The following SMAP1 variants were observed in gnomAD, a reference collection of about 807,000 sequenced individuals.
The protein encoded by SMAP1 is stromal membrane-associated protein 1.
SMAP1 carries 24 observed loss-of-function variants against 58.5 expected under a neutral mutation model. The ratio of observed to expected loss-of-function variants is 0.41; its 90% CI spans 0.30 to 0.58. The LOEUF (loss-of-function observed/expected upper bound fraction) is 0.58, where lower values mean the gene tolerates loss of function less well. Ranked by LOEUF, SMAP1 falls within the 20% of genes least tolerant of loss-of-function variation. The pLI is 0.29. For synonymous variants in SMAP1, 216 were observed against 196.6 expected (o/e 1.10, Z -0.82); for missense variants, 563 against 566.3 (o/e 0.99, Z 0.06).
intron 3 of SMAP1, among the ~76,000 whole-genome samples, chr6:70,760,480 A>G (rs1174475385): frequency 1.3e-5 from 2 of 152,044 alleles, no homozygotes; most frequent in East Asian, 3.8e-4. Context: ...CCCATATCTA[A>G]TGTAATCTGT....
At chr6:70,794,920 C>T (rs1164761800) in intron 5 of SMAP1, among the ~76,000 whole-genome samples, 1 of 151,824 alleles carries the variant, frequency 6.6e-6, no homozygotes, top group African/African-American at 2.4e-5. Context: ...TCCCGAGTAG[C>T]TGGGACTGCA....
At chr6:70,860,137 T>TAAAG (rs1452225607) in intron 10 of SMAP1, 63 bp from the exon 11 acceptor site, 13 of 1,505,398 alleles carry the variant, frequency 8.6e-6, no homozygotes, top group Non-Finnish European at 1.1e-5. Context: ...ACTGTGTGGC[T>TAAAG]AAAGAAACAA....
At chr6:70,704,420 G>A (rs561018831) in intron 1 of SMAP1, among the ~76,000 whole-genome samples, 1 of 151,996 alleles carries the variant, frequency 6.6e-6, no homozygotes, top group East Asian at 1.9e-4. Context: ...AAATTTGATT[G>A]TATTTTGCTG....
At chr6:70,697,831 T>C (rs1767472929) in intron 1 of SMAP1, among the ~76,000 whole-genome samples, 1 of 152,246 alleles carries the variant, frequency 6.6e-6, no homozygotes, top group Non-Finnish European at 1.5e-5. Context: ...CCCACACTTC[T>C]TAACTTTTGG....
intron 1 of SMAP1, among the ~76,000 whole-genome samples, chr6:70,702,834 G>C (rs964634201): frequency 2.0e-5 from 3 of 152,030 alleles, no homozygotes; most frequent in East Asian, 3.9e-4. Flanking sequence ...TCTTGGCCCT[G>C]TTGCCCAGGC....
In SMAP1 at chr6:70,733,613, C is replaced by T. The variant is rs78268521; in HGVS notation, c.252+1102C>T. Among the ~76,000 whole-genome samples, 1,468 of 152,132 alleles carry T rather than the reference C, an allele frequency of 9.6e-3. 20 individuals carry two copies. Among genetic ancestry groups the T allele is most frequent in the African/African-American group, 0.033 (1,373 of 41,506 alleles). On this transcript the variant is annotated intron_variant, in intron 2 of 10. Coordinates refer to ENST00000370455, the MANE Select transcript of SMAP1 (RefSeq NM_001044305.3). ...CTGGTCTCAAACTCTTGGACTCAAG[C>T]GATTCTCCCATGTCAGCCTTCCAAG...
intron 4 of SMAP1, among the ~76,000 whole-genome samples, chr6:70,788,483 T>G (rs910803230): frequency 4.0e-5 from 6 of 151,784 alleles, no homozygotes; most frequent in Admixed American, 3.9e-4. Context: ...AAAAAAAACT[T>G]ACATATTAGG....
intron 8 of SMAP1, among the ~76,000 whole-genome samples, chr6:70,854,331 GA>G (rs1771308843): frequency 6.6e-6 from 1 of 152,166 alleles, no homozygotes; most frequent in African/African-American, 2.4e-5. Context: ...TTAAAATCCA[GA>G]CATATTTGGC....
At position 70,836,929 on chromosome 6, in the gene SMAP1, T is replaced by C. The variant is rs998663010; in HGVS notation, c.577-12T>C. ...TAAGAAAAATTAATAAATCCAATTA[T>C]TTACTTTAAAGCTGCAGAAGAAAGA... On this transcript the variant is annotated splice_polypyrimidine_tract_variant and intron_variant, in intron 6 of 10. Coordinates refer to ENST00000370455, the MANE Select transcript of SMAP1 (RefSeq NM_001044305.3). The C allele has an allele frequency of 3.9e-6, 6 of 1,546,190 alleles. No individual in the cohort carries two copies. Among genetic ancestry groups the C allele is most frequent in the Admixed American group, 2.0e-5 (1 of 48,858 alleles).
chr6:70,861,819 G>A lies in SMAP1; in HGVS notation c.*1485G>A, dbSNP rs139424625. ...ACACTCGAGGTCGGGCAGCACAAGTGTAATGAATACCTTAGTGCAGTTATT... is the reference window on the plus strand; with the variant it reads ...ACACTCGAGGTCGGGCAGCACAAGTATAATGAATACCTTAGTGCAGTTATT... On this transcript the variant is annotated 3_prime_UTR_variant, in exon 11 of 11. Coordinates refer to ENST00000370455, the MANE Select transcript of SMAP1 (RefSeq NM_001044305.3). The A allele has an allele frequency of 8.6e-5, 139 of 1,614,042 alleles. No homozygotes were observed. The African/African-American group carries it at 1.4e-3, about 16-fold the overall frequency.
chr6:70,681,372 A>G (rs1766704617), intron 1 of SMAP1, among the ~76,000 whole-genome samples: 1 of 152,196 alleles, frequency 6.6e-6, no homozygotes, highest in South Asian at 2.1e-4. Flanking sequence ...GGCTGCAGTG[A>G]GCCGTGATTG....
At chr6:70,721,449 G>C (rs1768524107) in intron 1 of SMAP1, among the ~76,000 whole-genome samples, 1 of 152,144 alleles carries the variant, frequency 6.6e-6, no homozygotes, top group Non-Finnish European at 1.5e-5. Flanking sequence ...ATCGCTATCA[G>C]CATTTTGGGC....
At chr6:70,845,135 AAAC>A (rs1480373132) in intron 7 of SMAP1, among the ~76,000 whole-genome samples, 4 of 152,246 alleles carry the variant, frequency 2.6e-5, no homozygotes, top group Non-Finnish European at 5.9e-5. Flanking sequence ...TATCTGCCTT[AAAC>A]TAGATTAGTA....
At chr6:70,742,708 T>A (rs1765866662) in intron 2 of SMAP1, among the ~76,000 whole-genome samples, 1 of 152,220 alleles carries the variant, frequency 6.6e-6, no homozygotes, top group Admixed American at 6.5e-5. Context: ...TAGTCTGTTT[T>A]CATGCTGCTG....
intron 5 of SMAP1, among the ~76,000 whole-genome samples, chr6:70,796,647 A>G (rs975892697): frequency 2.0e-5 from 3 of 152,202 alleles, no homozygotes; most frequent in African/African-American, 7.2e-5. Context: ...AAGCCCAGGC[A>G]CTTGAGTAGA....
intron 6 of SMAP1, among the ~76,000 whole-genome samples, chr6:70,815,388 G>A (rs958153519): frequency 6.6e-6 from 1 of 152,172 alleles, no homozygotes. Flanking sequence ...TGGCAGTCCT[G>A]ATGGTTGGCC....
chr6:70,808,197 C>A (rs575507333), intron 6 of SMAP1, among the ~76,000 whole-genome samples: 1 of 152,096 alleles, frequency 6.6e-6, no homozygotes, highest in South Asian at 2.1e-4. Flanking sequence ...AGTGGATCCA[C>A]GCAGTTCAAA....
intron 4 of SMAP1, among the ~76,000 whole-genome samples, chr6:70,784,080 C>A (rs1174338771): frequency 3.3e-5 from 5 of 152,262 alleles, no homozygotes; most frequent in Admixed American, 6.5e-5. Flanking sequence ...CAAAGGGAAG[C>A]CCATCAGACT....
chr6:70,718,351 TGAAA>T (rs1462329164), intron 1 of SMAP1, among the ~76,000 whole-genome samples: 2 of 151,918 alleles, frequency 1.3e-5, no homozygotes, highest in East Asian at 1.9e-4. Context: ...TTAAGGATAA[TGAAA>T]GAAAGAGAGG....
Sources: allele counts gnomAD v4.1 joint callset (sites outside exome capture counted in the v4.1 genomes callset), GRCh38; gene constraint gnomAD v4.1.1; transcripts MANE v1.5; gene names NCBI Gene and HGNC (gene_info 2026-07-23, HGNC 2026-07-21).